The following BNIPL variants were observed in gnomAD, a reference collection of about 807,000 sequenced individuals.
BNIPL encodes BCL2 interacting protein like.
Under a neutral mutation model 47.0 loss-of-function variants are expected in BNIPL, and 33 were observed. The ratio of observed to expected loss-of-function variants is 0.70; its 90% CI spans 0.53 to 0.94. BNIPL has a LOEUF of 0.94. BNIPL is among the 40% of genes least tolerant of loss of function. The pLI is 0.00. For missense variants in BNIPL, 404 were observed against 445.2 expected, an observed-to-expected ratio of 0.91 and a Z score of 0.83; for synonymous variants, 145 against 162.7, an observed-to-expected ratio of 0.89 and a Z score of 0.83.
chr1:151,041,631 A>G (rs1675826522), intron 4 of BNIPL, among the ~76,000 whole-genome samples: 1 of 152,080 alleles, frequency 6.6e-6, no homozygotes, highest in Non-Finnish European at 1.5e-5. Flanking sequence ...CAATAATAAT[A>G]ATATAATTTT....
In BNIPL at chr1:151,043,148, A is replaced by G; in HGVS notation, c.616+10A>G. The G allele has an allele frequency of 1.9e-6, 3 of 1,607,566 alleles. No homozygotes were observed. The highest frequency in any genetic ancestry group is 1.1e-5 in the South Asian group (1 of 90,826). On this transcript the variant is annotated intron_variant, in intron 5 of 9. Transcript: ENST00000368931. The stretch of plus-strand genomic sequence containing the variant: ...GTCCTGTCTCATGGAGGTAATGGCT[A>G]GCATAATGCAGGTGTTAAGAGCTAT...
At chr1:151,037,167 GT>G in intron 1 of BNIPL, 1 of 279,754 alleles carries the variant, frequency 3.6e-6, no homozygotes. Context: ...CTTATGCCAT[GT>G]TTTCCCTTAG....
chr1:151,046,768 A>C lies in BNIPL; in HGVS notation c.*81A>C. ...CCCTGAAACATCTGAACTGTTTTGTAAATCATCTTATCCCCAACCTCAGTA... is the reference window on the plus strand; with the variant it reads ...CCCTGAAACATCTGAACTGTTTTGTCAATCATCTTATCCCCAACCTCAGTA... On this transcript the variant is annotated 3_prime_UTR_variant, in exon 10 of 10. Transcript: ENST00000368931. 8.1e-7 allele frequency: 1 copy of C among 1,234,430 alleles called. No homozygotes were observed. Among genetic ancestry groups the C allele is most frequent in the Non-Finnish European group, 1.2e-6 (1 of 864,238 alleles). The allele number at this position is 1,234,430 out of a possible 1,614,324, so 76.5% of individuals were successfully genotyped here.
intron 1 of BNIPL, chr1:151,037,264 C>G: frequency 1.0e-6 from 1 of 1,000,642 alleles, no homozygotes; most frequent in East Asian, 6.2e-5. Flanking sequence ...GTGGGTCTAG[C>G]TGGGTTCCAG....
intron 4 of BNIPL, among the ~76,000 whole-genome samples, chr1:151,040,339 C>G (rs772424043): frequency 6.6e-6 from 1 of 151,452 alleles, no homozygotes; most frequent in African/African-American, 2.4e-5. Flanking sequence ...GCCACCAAAC[C>G]TGGCTAATTT....
intron 4 of BNIPL, among the ~76,000 whole-genome samples, chr1:151,039,287 T>C (rs922193849): frequency 5.3e-5 from 8 of 152,228 alleles, no homozygotes; most frequent in African/African-American, 1.9e-4. Context: ...ACTGGGGTTA[T>C]AAAGATGAAT....
intron 1 of BNIPL, among the ~76,000 whole-genome samples, chr1:151,037,040 A>G (rs1675628087): frequency 6.6e-6 from 1 of 152,148 alleles, no homozygotes; most frequent in Non-Finnish European, 1.5e-5. Flanking sequence ...GTGTTCTTTT[A>G]TTTTCTAACC....
chr1:151,040,934 A>G (rs1446689395), intron 4 of BNIPL, among the ~76,000 whole-genome samples: 4 of 151,992 alleles, frequency 2.6e-5, no homozygotes, highest in African/African-American at 9.7e-5. Flanking sequence ...TAATCCCAAC[A>G]CTTTGGGAGG....
chr1:151,047,651 CAG>C lies in BNIPL; in HGVS notation c.*967_*968del. 1 of 845,628 alleles carries C rather than the reference CAG, an allele frequency of 1.2e-6. No homozygotes were observed. Among genetic ancestry groups the C allele is most frequent in the East Asian group, 2.9e-5 (1 of 34,468 alleles). The allele number at this position is 845,628 out of a possible 1,614,324, so 52.4% of individuals were successfully genotyped here. A position where few individuals can be genotyped will look rare whatever the true frequency, so the allele number is the denominator to read the frequency against. Reference sequence around the variant, plus strand: ...TTGCATCCCAAACCTTCGGTTCTGGCAGAGTTCTTGCCGCAGAGGTTCCTTAG... The same window carrying C: ...TTGCATCCCAAACCTTCGGTTCTGGCAGTTCTTGCCGCAGAGGTTCCTTAG... On this transcript the variant is annotated 3_prime_UTR_variant, in exon 10 of 10. Coordinates refer to ENST00000368931, the MANE Select transcript of BNIPL (RefSeq NM_138278.4).
At position 151,043,419 on chromosome 1, in the gene BNIPL, T is replaced by C. The variant is rs1313342846; in HGVS notation, c.704T>C (p.Met235Thr). ...AGCATCCCCAACTACACCTATGTCATGGAACACTTGTTTAGGTGAGGTGGA... is the reference window on the plus strand; with the variant it reads ...AGCATCCCCAACTACACCTATGTCACGGAACACTTGTTTAGGTGAGGTGGA... Reference protein sequence around the residue: ...RSSIPNYTYVMEHLFRYMVGT... With the variant: ...RSSIPNYTYVTEHLFRYMVGT... Residue 235 changes from methionine to threonine, a missense_variant, in exon 6 of 10, where the codon ATG (methionine) becomes ACG (threonine). Physicochemically the swap from Met to Thr is moderately conservative, Grantham distance 81. Transcript: ENST00000368931. 6.2e-7 allele frequency: 1 copy of C among 1,603,854 alleles called. No homozygotes were observed. Among genetic ancestry groups the C allele is most frequent in the Non-Finnish European group, 8.5e-7 (1 of 1,170,742 alleles).
chr1:151,046,949 A>G lies in BNIPL; in HGVS notation c.*262A>G. 2.8e-6 allele frequency: 1 copy of G among 358,826 alleles called. No homozygotes were observed. The highest frequency in any genetic ancestry group is 5.0e-6 in the Non-Finnish European group (1 of 199,654). 22.2% of individuals were successfully genotyped at this position (358,826 alleles called of 1,614,324 possible). A position where few individuals can be genotyped will look rare whatever the true frequency, so the allele number is the denominator to read the frequency against. On this transcript the variant is annotated 3_prime_UTR_variant, in exon 10 of 10. Transcript: ENST00000368931. ...GGGTCATTTTGTATGGGATATGCAG[A>G]GCTCTGGGTTTTTTTGTTTTTTGTT...
chr1:151,043,621 C>T lies in BNIPL; in HGVS notation c.745C>T (p.Leu249=). The part of the protein sequence containing the change: ...FRYMVGTLEL[L]VAENYLLVHL... ...GTATATGGTGGGAACTCTGGAGCTG[C>T]TAGTAGCTGAAAATTACCTGCTTGT... Residue 249 remains leucine (L), a synonymous_variant, in exon 7 of 10, where the codon CTA becomes TTA. Transcript: ENST00000368931. 1.9e-6 allele frequency: 3 copies of T among 1,612,146 alleles called. No individual in the cohort carries two copies. Among genetic ancestry groups the T allele is most frequent in the Non-Finnish European group, 2.5e-6 (3 of 1,178,260 alleles).
At chr1:151,042,728 C>A (rs587672129) in intron 4 of BNIPL, among the ~76,000 whole-genome samples, 1 of 151,694 alleles carries the variant, frequency 6.6e-6, no homozygotes, top group Admixed American at 6.6e-5. Flanking sequence ...GCTAGAGAAT[C>A]GCTTGAGCCC....
rs773869966 is a variant in BNIPL at position 151,036,733 on chromosome 1, C to G, written c.8C>G (p.Thr3Ser). The G allele has an allele frequency of 2.5e-6, 4 of 1,611,590 alleles. No individual in the cohort carries two copies. In the African/African-American group the frequency reaches 4.0e-5, roughly 16 times the overall value. The change falls in exon 1 of 10, where the codon ACT becomes AGT. Residue 3 changes from threonine (T) to serine (S), a missense_variant. By Grantham distance (58) the Thr-to-Ser change is moderately conservative (BLOSUM62 1). Transcript: ENST00000368931. MG[T>S]IQEAGKKTDV... ...GCAGGAAGACTTGTGAAGATGGGAA[C>G]TATACAAGAGGCAGGAAAAAAGACA...
chr1:151,037,385 C>G, intron 1 of BNIPL, 182 bp from the exon 2 acceptor site: 1 of 1,337,386 alleles, frequency 7.5e-7, no homozygotes, highest in Non-Finnish European at 9.6e-7. Context: ...CCAAACTTAA[C>G]AGCAGGTAAT....
chr1:151,040,811 A>G (rs111895997), intron 4 of BNIPL, among the ~76,000 whole-genome samples: 84,677 of 147,130 alleles, frequency 0.58, 27,137 homozygotes, highest in East Asian at 0.88. Flanking sequence ...AAAAAAAAAA[A>G]AAGAAGAAGC....
At position 151,045,801 on chromosome 1, in the gene BNIPL, C is replaced by T. The variant is rs764413830; in HGVS notation, c.856C>T (p.Arg286Trp). The T allele has an allele frequency of 1.7e-5, 27 of 1,614,042 alleles. No homozygotes were observed. Among genetic ancestry groups the T allele is most frequent in the African/African-American group, 1.1e-4 (8 of 74,982 alleles). The change falls in exon 8 of 10, where the codon CGG becomes TGG. Residue 286 changes from arginine (R) to tryptophan (W), a missense_variant. Physicochemically the swap from Arg to Trp is moderately radical, Grantham distance 101. Coordinates refer to ENST00000368931, the MANE Select transcript of BNIPL (RefSeq NM_138278.4). ...TGATCTCATGTTGTTTTTCAGGCTA[C>T]GGAAAAACCTGCGAGCCCTGGTGGT... The part of the protein sequence containing the change: ...QCYRTLDRRL[R>W]KNLRALVVVH...
rs1676076070 is a variant in BNIPL at position 151,047,554 on chromosome 1, G to A, written c.*867G>A. 2.3e-6 allele frequency: 1 copy of A among 433,574 alleles called. No individual in the cohort carries two copies. Among genetic ancestry groups the A allele is most frequent in the Non-Finnish European group, 4.1e-6 (1 of 245,550 alleles). The allele number at this position is 433,574 out of a possible 1,614,324, so 26.9% of individuals were successfully genotyped here. A position where few individuals can be genotyped will look rare whatever the true frequency, so the allele number is the denominator to read the frequency against. On this transcript the variant is annotated 3_prime_UTR_variant, in exon 10 of 10. Transcript: ENST00000368931. ...TGCCCTCTTTAGTAAATTTAGAACT[G>A]TAGAGGCTAATAAACTGCGATGAGA...
chr1:151,037,326 G>T (rs1321151206), intron 1 of BNIPL: 26 of 1,197,936 alleles, frequency 2.2e-5, no homozygotes, highest in Non-Finnish European at 2.7e-5. Flanking sequence ...TGGAGCAACT[G>T]CTACAGAGGT....
Sources: gnomAD v4.1 joint callset for allele counts (sites outside exome capture counted in the v4.1 genomes callset) on GRCh38, gnomAD v4.1.1 for gene constraint, MANE v1.5 for transcripts, NCBI Gene and HGNC (gene_info 2026-07-23, HGNC 2026-07-21) for gene names.